MIA2: variants seen among roughly 807,000 people sequenced by gnomAD.
The protein encoded by MIA2 is MIA SH3 domain ER export factor 2.
Under a neutral mutation model 167.8 loss-of-function variants are expected in MIA2, and 127 were observed. The ratio of observed to expected loss-of-function variants is 0.76; its 90% CI spans 0.66 to 0.88. The LOEUF (loss-of-function observed/expected upper bound fraction) is 0.88. Ranked by LOEUF, MIA2 falls within the 40% of genes least tolerant of loss-of-function variation. MIA2 has a pLI of 0.00. For missense variants in MIA2, 1,690 were observed against 1,624.7 expected (o/e 1.04, Z -0.69); for synonymous variants, 552 against 541.9 (o/e 1.02, Z -0.26).
chr14:39,262,104 T>A (rs188112197), intron 6 of MIA2, among the ~76,000 whole-genome samples: 1 of 152,206 alleles, frequency 6.6e-6, no homozygotes. Context: ...GGTTTTCTTC[T>A]AGGGTTTTTA....
At chr14:39,266,070 C>G (rs1267296659) in intron 6 of MIA2, 1 of 985,290 alleles carries the variant, frequency 1.0e-6, no homozygotes, top group Non-Finnish European at 1.2e-6. Context: ...TTTTAAATGG[C>G]ATAACAGTTC....
At chr14:39,241,927 T>C (rs2054061540) in intron 3 of MIA2, among the ~76,000 whole-genome samples, 1 of 152,184 alleles carries the variant, frequency 6.6e-6, no homozygotes, top group African/African-American at 2.4e-5. Context: ...TCTTAGAACA[T>C]GCCAGGCTCT....
At chr14:39,313,961 G>A (rs1440580235) in intron 19 of MIA2, among the ~76,000 whole-genome samples, 1 of 152,108 alleles carries the variant, frequency 6.6e-6, no homozygotes, top group African/African-American at 2.4e-5. Flanking sequence ...AAATAGTTGT[G>A]ATACTTCATT....
Position 39,272,347 on chromosome 14 carries a change from A to G in MIA2, c.1888-4587A>G, listed in dbSNP as rs574820580. 9.1e-4 allele frequency among the ~76,000 whole-genome samples: 138 copies of G among 152,064 alleles called. 4 individuals carry two copies. The highest frequency in any genetic ancestry group is 8.0e-3 in the Admixed American group (123 of 15,282). ...ATCCTGGGTGACAGGGCGAGACTCC[A>G]TCCCAAAAAAAAGAAAAAGAAAACT... On this transcript the variant is annotated intron_variant, in intron 6 of 28. Transcript: ENST00000640607.
At chr14:39,289,239 T>C (rs79655876) in intron 9 of MIA2, among the ~76,000 whole-genome samples, 2 of 151,926 alleles carry the variant, frequency 1.3e-5, no homozygotes, top group African/African-American at 4.8e-5. Flanking sequence ...TTTTTTTTTT[T>C]TGAGACAGTC....
chr14:39,381,344 TAC>T (rs199928469), intron 23 of MIA2, among the ~76,000 whole-genome samples: 3 of 152,034 alleles, frequency 2.0e-5, no homozygotes, highest in South Asian at 4.1e-4. Flanking sequence ...GCCTTTTAAA[TAC>T]ACACACACAC....
intron 9 of MIA2, among the ~76,000 whole-genome samples, chr14:39,283,003 T>C (rs2059162352): frequency 6.6e-6 from 1 of 152,272 alleles, no homozygotes. Context: ...TTTTTCTTTC[T>C]ATATCTGGCT....
At chr14:39,348,445 T>C (rs2073880094) in intron 27 of MIA2, among the ~76,000 whole-genome samples, 1 of 152,214 alleles carries the variant, frequency 6.6e-6, no homozygotes, top group Admixed American at 6.5e-5. Context: ...TTCCAGTATA[T>C]ATTTGATACA....
At chr14:39,269,560 C>T (rs1265917599) in intron 6 of MIA2, among the ~76,000 whole-genome samples, 4 of 151,536 alleles carry the variant, frequency 2.6e-5, no homozygotes, top group Non-Finnish European at 1.5e-5. Context: ...ATCCCTGTCA[C>T]CCAGGGGGGA....
intron 13 of MIA2, among the ~76,000 whole-genome samples, chr14:39,296,885 C>T (rs888319651): frequency 4.6e-5 from 7 of 151,782 alleles, no homozygotes; most frequent in South Asian, 4.2e-4. Flanking sequence ...AAGTGATTCT[C>T]GTGCCTCAGC....
At chr14:39,361,435 TG>T (rs1370010734) in intron 23 of MIA2, among the ~76,000 whole-genome samples, 4 of 100,912 alleles carry the variant, frequency 4.0e-5, no homozygotes, top group East Asian at 7.1e-4. Context: ...TTTAGGTGTG[TG>T]GTTTTTTTTT....
chr14:39,351,281 T>C (rs2074361293), downstream of MIA2: 2 of 151,572 alleles, frequency 1.3e-5, no homozygotes, highest in Non-Finnish European at 2.9e-5. Context: ...AGCAGTGATA[T>C]ATATTGGAAC....
chr14:39,279,622 A>G, intron 9 of MIA2, 85 bp downstream of exon 9: 1 of 843,616 alleles, frequency 1.2e-6, no homozygotes, highest in Non-Finnish European at 1.9e-6. Context: ...TAAATTTAAG[A>G]TTATGAATGC....
At chr14:39,301,035 T>C (rs997562168) in intron 14 of MIA2, among the ~76,000 whole-genome samples, 2 of 68,680 alleles carry the variant, frequency 2.9e-5, no homozygotes, top group South Asian at 6.1e-4. Context: ...TATATACATA[T>C]ACATACACAC....
chr14:39,271,019 A>C (rs1302779715), intron 6 of MIA2, among the ~76,000 whole-genome samples: 1 of 152,184 alleles, frequency 6.6e-6, no homozygotes, highest in Non-Finnish European at 1.5e-5. Flanking sequence ...TTGGTATCAT[A>C]GCTAAGAAAC....
chr14:39,347,818 CTTTTTTT>C (rs59832680), intron 27 of MIA2, 47 bp downstream of exon 27: 6 of 706,328 alleles, frequency 8.5e-6, no homozygotes, highest in African/African-American at 2.7e-5. Context: ...CAGAAGCCTT[CTTTTTTT>C]TTTTTTTTTT....
intron 3 of MIA2, among the ~76,000 whole-genome samples, chr14:39,241,818 T>G (rs7159274): frequency 1 from 152,351 of 152,352 alleles, 76,175 homozygotes; most frequent in Non-Finnish European, 1. Context: ...TGGCTTCGCA[T>G]TCCCACATGA....
At chr14:39,275,899 A>C (rs1258089404) in intron 6 of MIA2, among the ~76,000 whole-genome samples, 1 of 152,192 alleles carries the variant, frequency 6.6e-6, no homozygotes, top group African/African-American at 2.4e-5. Context: ...TGAAGTATAG[A>C]TAGTACCTTG....
chr14:39,247,074 C>T lies in MIA2; in HGVS notation c.500C>T (p.Ala167Val), dbSNP rs1357990553. 1 of 1,605,822 alleles carries T rather than the reference C, an allele frequency of 6.2e-7. No homozygotes were observed. Among genetic ancestry groups the T allele is most frequent in the Admixed American group, 1.7e-5 (1 of 57,756 alleles). Reference sequence around the variant, plus strand: ...TTTCAGATAGAACCTGGATTTTATGCAACTTATGAAAGTACTTTGTTTGAA... The same window carrying T: ...TTTCAGATAGAACCTGGATTTTATGTAACTTATGAAAGTACTTTGTTTGAA... ...SDFQIEPGFYATYESTLFEDQ... is the reference protein window; with the variant it reads ...SDFQIEPGFYVTYESTLFEDQ... The change falls in exon 4 of 29, where the codon GCA (alanine) becomes GTA (valine). Residue 167 changes from alanine to valine, a missense_variant. Physicochemically the swap from Ala to Val is moderately conservative, Grantham distance 64 (BLOSUM62 0). Transcript: ENST00000640607.
Sources: allele counts gnomAD v4.1 joint callset (sites outside exome capture counted in the v4.1 genomes callset), GRCh38; gene constraint gnomAD v4.1.1; transcripts MANE v1.5; gene names NCBI Gene and HGNC (gene_info 2026-07-23, HGNC 2026-07-21).